Variants in SLC44A5 observed in about 807,000 individuals in gnomAD.
SLC44A5 encodes the protein solute carrier family 44 member 5.
SLC44A5 carries 57 observed loss-of-function variants against 101.8 expected under a neutral mutation model. The ratio of observed to expected loss-of-function variants is 0.56; its 90% confidence interval spans 0.45 to 0.70. SLC44A5 has a LOEUF of 0.70. Ranked by LOEUF, SLC44A5 falls within the 30% of genes least tolerant of loss-of-function variation. The probability of loss-of-function intolerance (pLI) is 0.00; values close to 1 mark genes in which losing one functional copy is unlikely to be tolerated. For missense variants in SLC44A5, 737 were observed against 853.1 expected (o/e 0.86, Z 1.70); for synonymous variants, 281 against 290.9 (o/e 0.97, Z 0.35).
intron 2 of SLC44A5, among the ~76,000 whole-genome samples, chr1:75,480,866 C>T (rs1355536761): frequency 5.3e-5 from 8 of 152,162 alleles, no homozygotes; most frequent in Non-Finnish European, 8.8e-5. Flanking sequence ...CCCCATCAAG[C>T]TACCAATGAC....
the SLC44A5 span, among the ~76,000 whole-genome samples, chr1:75,653,411 G>A: frequency 6.6e-6 from 1 of 152,146 alleles, no homozygotes; most frequent in Non-Finnish European, 1.5e-5. Flanking sequence ...GAATCCGGGA[G>A]GCAGAGGTTG....
chr1:75,670,812 C>T, the SLC44A5 span, among the ~76,000 whole-genome samples: 1 of 152,162 alleles, frequency 6.6e-6, no homozygotes, highest in South Asian at 2.1e-4. Context: ...CTGATTATCC[C>T]AATAATAGGG....
At chr1:75,208,938 T>C (rs1646800336) in intron 23 of SLC44A5, among the ~76,000 whole-genome samples, 1 of 151,842 alleles carries the variant, frequency 6.6e-6, no homozygotes, top group South Asian at 2.1e-4. Flanking sequence ...GCCAAGACAA[T>C]AGGAATAAAT....
intron 4 of SLC44A5, among the ~76,000 whole-genome samples, chr1:75,305,998 C>A (rs1375276905): frequency 6.6e-6 from 1 of 152,194 alleles, no homozygotes; most frequent in Non-Finnish European, 1.5e-5. Flanking sequence ...TGTTTTTGTA[C>A]AGCCTGTGAG....
At chr1:75,324,408 A>C (rs1345972073) in intron 4 of SLC44A5, among the ~76,000 whole-genome samples, 1 of 152,186 alleles carries the variant, frequency 6.6e-6, no homozygotes. Context: ...ATTGCAAGCA[A>C]AGGAGGATGA....
chr1:75,635,263 G>T, the SLC44A5 span, among the ~76,000 whole-genome samples: 1 of 151,494 alleles, frequency 6.6e-6, no homozygotes, highest in Non-Finnish European at 1.5e-5. Flanking sequence ...ATTCCTCGGG[G>T]ATCTAGAACT....
At chr1:75,208,382 C>T (rs573738345) in intron 23 of SLC44A5, among the ~76,000 whole-genome samples, 77 of 152,210 alleles carry the variant, frequency 5.1e-4, no homozygotes, top group Admixed American at 2.2e-3. Context: ...TGGTCTCGAA[C>T]TCCTGATCTC....
chr1:75,489,067 C>G (rs1225794631), intron 2 of SLC44A5, among the ~76,000 whole-genome samples: 1 of 152,068 alleles, frequency 6.6e-6, no homozygotes, highest in Non-Finnish European at 1.5e-5. Flanking sequence ...AGGCTCGTCT[C>G]AAACTCCCAA....
intron 2 of SLC44A5, among the ~76,000 whole-genome samples, chr1:75,398,203 G>A (rs984568552): frequency 1.3e-5 from 2 of 152,124 alleles, no homozygotes; most frequent in African/African-American, 4.8e-5. Flanking sequence ...CGAGGTTCAT[G>A]GTTATCTTAA....
chr1:75,451,493 A>C (rs1040585244), intron 2 of SLC44A5, among the ~76,000 whole-genome samples: 4 of 152,126 alleles, frequency 2.6e-5, no homozygotes, highest in African/African-American at 9.7e-5. Flanking sequence ...GAAAATGAAC[A>C]AAAAAATAAT....
chr1:75,653,875 A>C, the SLC44A5 span, among the ~76,000 whole-genome samples: 3 of 152,222 alleles, frequency 2.0e-5, no homozygotes, highest in Non-Finnish European at 4.4e-5. Flanking sequence ...GGCAGGACAG[A>C]TTGGAACAAA....
At chr1:75,319,483 T>C (rs1434566583) in intron 4 of SLC44A5, among the ~76,000 whole-genome samples, 5 of 152,204 alleles carry the variant, frequency 3.3e-5, no homozygotes, top group Admixed American at 3.3e-4. Flanking sequence ...CTTAACTTTA[T>C]TAAAATGTTT....
intron 1 of SLC44A5, among the ~76,000 whole-genome samples, chr1:75,542,684 T>C (rs1468370149): frequency 6.6e-6 from 1 of 152,164 alleles, no homozygotes; most frequent in Admixed American, 6.6e-5. Context: ...CTGATTGGTG[T>C]CTGAATGTAT....
chr1:75,712,697 GAA>G, the SLC44A5 span, among the ~76,000 whole-genome samples: 1 of 22,120 alleles, frequency 4.5e-5, no homozygotes, highest in East Asian at 9.2e-4. Flanking sequence ...AAGCATTTGA[GAA>G]AAAAAAAAAA....
At chr1:75,256,546 A>C (rs1650037094) in intron 6 of SLC44A5, among the ~76,000 whole-genome samples, 1 of 152,188 alleles carries the variant, frequency 6.6e-6, no homozygotes, top group South Asian at 2.1e-4. Flanking sequence ...GTTATGACAA[A>C]GCAGAAGTTT....
chr1:75,589,099 T>TTCTC (rs140546743), intron 1 of SLC44A5, among the ~76,000 whole-genome samples: 1 of 150,548 alleles, frequency 6.6e-6, no homozygotes, highest in Non-Finnish European at 1.5e-5. Flanking sequence ...CCCTCTCTCT[T>TTCTC]TCTCTCTCTC....
chr1:75,258,606 C>A (rs77425922), intron 6 of SLC44A5, among the ~76,000 whole-genome samples: 7,807 of 152,248 alleles, frequency 0.051, 249 homozygotes, highest in Middle Eastern at 0.13. Flanking sequence ...CCAGCTTCAG[C>A]AGACTTAAAA....
chr1:75,252,210 T>C (rs1289571124), intron 6 of SLC44A5, among the ~76,000 whole-genome samples: 1 of 152,194 alleles, frequency 6.6e-6, no homozygotes, highest in Non-Finnish European at 1.5e-5. Context: ...CTGTAAACCA[T>C]ATCTTAAGAA....
intron 2 of SLC44A5, among the ~76,000 whole-genome samples, chr1:75,418,735 T>C (rs74089232): frequency 0.098 from 14,984 of 152,246 alleles, 912 homozygotes; most frequent in Admixed American, 0.19. Context: ...CTAAATGCAA[T>C]AGATTTGCTC....
Sources: gnomAD v4.1 joint callset for allele counts (sites outside exome capture counted in the v4.1 genomes callset) on GRCh38, gnomAD v4.1.1 for gene constraint, MANE v1.5 for transcripts, NCBI Gene and HGNC (gene_info 2026-07-23, HGNC 2026-07-21) for gene names.